The following URI1 variants were observed in gnomAD, a reference collection of about 807,000 sequenced individuals.
The protein encoded by URI1 is unconventional prefoldin RPB5 interactor 1.
URI1 carries 39 observed loss-of-function variants against 60.2 expected under a neutral mutation model. The observed-to-expected ratio is 0.65, with a 90% CI of 0.50 to 0.85. The LOEUF (loss-of-function observed/expected upper bound fraction) is 0.85, where lower values mean the gene tolerates loss of function less well. Among genes scored for constraint, URI1 ranks in the 40% least tolerant of loss-of-function variants. The pLI is 0.00. For synonymous variants in URI1, 251 were observed against 236.8 expected (o/e 1.06, Z -0.55); for missense variants, 691 against 665.9 (o/e 1.04, Z -0.42).
intron 2 of URI1, among the ~76,000 whole-genome samples, chr19:29,973,667 G>T (rs760329573): frequency 4.0e-5 from 6 of 151,568 alleles, no homozygotes; most frequent in Non-Finnish European, 7.4e-5. Context: ...AGAAAAATAG[G>T]AGTGAAAATG....
chr19:29,968,760 A>G (rs1036329438), intron 1 of URI1, among the ~76,000 whole-genome samples: 4 of 150,986 alleles, frequency 2.6e-5, no homozygotes, highest in Non-Finnish European at 5.9e-5. Flanking sequence ...TTTAGTAGAG[A>G]TGGGGTTTCA....
chr19:29,962,402 C>CTT (rs11331580), intron 1 of URI1, among the ~76,000 whole-genome samples: 2,241 of 123,382 alleles, frequency 0.018, 58 homozygotes, highest in African/African-American at 0.063. Flanking sequence ...TTTATAGTAT[C>CTT]TTTTTTTTTT....
At chr19:29,966,523 A>G (rs187554085) in intron 1 of URI1, among the ~76,000 whole-genome samples, 2 of 152,212 alleles carry the variant, frequency 1.3e-5, no homozygotes, top group African/African-American at 4.8e-5. Context: ...CCTGTAGTCA[A>G]TTCCTCCCTT....
chr19:29,985,398 C>T, intron 3 of URI1, 97 bp downstream of exon 3: 1 of 958,628 alleles, frequency 1.0e-6, no homozygotes, highest in East Asian at 2.6e-5. Flanking sequence ...GGACTGTGTC[C>T]AAGGTAACTA....
At chr19:30,000,971 C>T (rs144731378) in intron 4 of URI1, among the ~76,000 whole-genome samples, 2,218 of 151,896 alleles carry the variant, frequency 0.015, 33 homozygotes, top group South Asian at 0.025. Context: ...AGTTTCATTT[C>T]TGGAAGCACT....
chr19:29,957,873 G>C lies in URI1; in HGVS notation c.118-13320G>C, dbSNP rs565013704. ...TAGATACTATTTTTTGTTGCCTTTTGTAATTTACTTGCTATTCATTTTTTT... is the reference window on the plus strand; with the variant it reads ...TAGATACTATTTTTTGTTGCCTTTTCTAATTTACTTGCTATTCATTTTTTT... On this transcript the variant is annotated intron_variant, in intron 1 of 10. Coordinates refer to ENST00000392271, the MANE Select transcript of URI1 (RefSeq NM_003796.3). 490 of 143,738 alleles carry C rather than the reference G, an allele frequency of 3.4e-3. 4 individuals are homozygous for C. The highest frequency in any genetic ancestry group is 0.012 in the African/African-American group (478 of 39,038). The allele number at this position is 143,738 out of a possible 1,614,324, so 8.9% of individuals were successfully genotyped here. A position where few individuals can be genotyped will look rare whatever the true frequency, so the allele number is the denominator to read the frequency against.
chr19:29,974,940 C>G (rs1252046520), intron 2 of URI1, among the ~76,000 whole-genome samples: 1 of 152,122 alleles, frequency 6.6e-6, no homozygotes, highest in Non-Finnish European at 1.5e-5. Flanking sequence ...GTGTAGTAGT[C>G]CATAGTATAT....
In URI1 at chr19:29,971,191, A is replaced by C; in HGVS notation, c.118-2A>C. 6.2e-7 allele frequency: 1 copy of C among 1,613,266 alleles called. No individual in the cohort carries two copies. Among genetic ancestry groups the C allele is most frequent in the Non-Finnish European group, 8.5e-7 (1 of 1,179,418 alleles). On this transcript the variant is annotated splice_acceptor_variant, in intron 1 of 10. Coordinates refer to ENST00000392271, the MANE Select transcript of URI1 (RefSeq NM_003796.3). LOFTEE classifies it high-confidence loss of function. The stretch of plus-strand genomic sequence containing the variant: ...ATGAGTAGTTATCTGTTTTCATGAC[A>C]GGTGGTCACTAACTGCCAAGAGAGA...
rs3840928 is a variant in URI1 at position 30,009,211 on chromosome 19, G to GTGA, written c.918_920dup (p.Asp311dup). 9.5e-4 allele frequency: 1,459 copies of GTGA among 1,541,538 alleles called. 7 individuals are homozygous for GTGA. In the African/African-American group the frequency reaches 0.014, roughly 15 times the overall value. On this transcript the variant is annotated inframe_insertion, in exon 8 of 11. Coordinates refer to ENST00000392271, the MANE Select transcript of URI1 (RefSeq NM_003796.3). ...GTGAATGGTTCCAGTTCTTACCACAGTGATGATGATGATGATGATGATGAT... is the reference window on the plus strand; with the variant it reads ...GTGAATGGTTCCAGTTCTTACCACAGTGATGATGATGATGATGATGATGATGAT...
intron 1 of URI1, among the ~76,000 whole-genome samples, chr19:29,932,524 C>T (rs898597727): frequency 1.3e-5 from 2 of 151,916 alleles, no homozygotes; most frequent in African/African-American, 4.8e-5. Context: ...ACCATAATGG[C>T]CAGGCTTGTC....
chr19:29,963,586 A>G (rs550904937), intron 1 of URI1, among the ~76,000 whole-genome samples: 4 of 152,178 alleles, frequency 2.6e-5, no homozygotes, highest in South Asian at 2.1e-4. Context: ...TCTGTTTTAT[A>G]TATTTTTTCT....
intron 2 of URI1, among the ~76,000 whole-genome samples, chr19:29,979,803 C>G (rs1469078883): frequency 2.0e-5 from 3 of 152,084 alleles, no homozygotes; most frequent in African/African-American, 7.2e-5. Context: ...AAGGAATATA[C>G]CACCATTCTG....
At position 30,015,230 on chromosome 19, in the gene URI1, AGG is replaced by A; in HGVS notation, c.*162_*163del. On this transcript the variant is annotated 3_prime_UTR_variant, in exon 11 of 11. Coordinates refer to ENST00000392271, the MANE Select transcript of URI1 (RefSeq NM_003796.3). ...TACCCGTGGTATTTGAAAAAAATCA[AGG>A]TAACTGTCTGAATACTTTAATATCA... 1.4e-6 allele frequency: 2 copies of A among 1,420,742 alleles called. No individual in the cohort carries two copies. The highest frequency in any genetic ancestry group is 1.8e-6 in the Non-Finnish European group (2 of 1,091,342). 88.0% of individuals were successfully genotyped at this position (1,420,742 alleles called of 1,614,324 possible).
At chr19:29,944,194 A>ATATATATATATAT (rs2055074931) in intron 1 of URI1, among the ~76,000 whole-genome samples, 1 of 63,726 alleles carries the variant, frequency 1.6e-5, no homozygotes, top group Non-Finnish European at 3.9e-5. Context: ...TATATATATA[A>ATATATATATATAT]AACTTAACTA....
At position 29,942,276 on chromosome 19, in the gene URI1, G is replaced by T. The variant is rs572127270; in HGVS notation, c.-272G>T. The T allele has an allele frequency of 5.3e-4, 523 of 985,082 alleles. No homozygotes were observed. The highest frequency in any genetic ancestry group is 1.6e-3 in the Middle Eastern group (3 of 1,914). The allele number at this position is 985,082 out of a possible 1,614,324, so 61.0% of individuals were successfully genotyped here. On this transcript the variant is annotated 5_prime_UTR_variant, in exon 1 of 11. Transcript: ENST00000392271. ...GCGGCCGCCACGCGACGCCTGGCTGGGCCCGCACCGGAGAGGCGTCTCGGT... is the reference window on the plus strand; with the variant it reads ...GCGGCCGCCACGCGACGCCTGGCTGTGCCCGCACCGGAGAGGCGTCTCGGT...
chr19:29,988,462 A>C (rs2055701493), intron 4 of URI1, among the ~76,000 whole-genome samples: 1 of 152,176 alleles, frequency 6.6e-6, no homozygotes, highest in East Asian at 1.9e-4. Context: ...AGCTCCTATC[A>C]AAACCTCCCT....
chr19:29,924,366 C>T (rs2054847507), intron 1 of URI1, among the ~76,000 whole-genome samples: 1 of 152,184 alleles, frequency 6.6e-6, no homozygotes, highest in African/African-American at 2.4e-5. Context: ...TACCAGCCTC[C>T]TCCACAAGCA....
At chr19:29,926,348 T>TAA (rs1370337274) in intron 1 of URI1, among the ~76,000 whole-genome samples, 3 of 151,810 alleles carry the variant, frequency 2.0e-5, no homozygotes, top group Non-Finnish European at 2.9e-5. Context: ...GGTACAATTA[T>TAA]AGCTTTTTGC....
intron 1 of URI1, among the ~76,000 whole-genome samples, chr19:29,950,676 A>G (rs528114211): frequency 1.5e-4 from 23 of 152,304 alleles, no homozygotes; most frequent in African/African-American, 4.6e-4. Flanking sequence ...CTACATAACC[A>G]TATCTTTTTT....
Sources: allele counts gnomAD v4.1 joint callset (sites outside exome capture counted in the v4.1 genomes callset), GRCh38; gene constraint gnomAD v4.1.1; transcripts MANE v1.5; gene names NCBI Gene and HGNC (gene_info 2026-07-23, HGNC 2026-07-21).